The following CREBL2 variants were observed in gnomAD, a reference collection of about 807,000 sequenced individuals.
CREBL2 encodes the protein cAMP-responsive element-binding protein-like 2.
CREBL2 carries 4 observed loss-of-function variants against 19.5 expected under a neutral mutation model. That is an observed-to-expected ratio of 0.20 (90% CI 0.10 to 0.47). The LOEUF (loss-of-function observed/expected upper bound fraction) is 0.47. Ranked by LOEUF, CREBL2 falls within the 20% of genes least tolerant of loss-of-function variation. The probability of loss-of-function intolerance (pLI) is 0.98; values close to 1 mark genes in which losing one functional copy is unlikely to be tolerated. For missense variants in CREBL2, 85 were observed against 145.1 expected (o/e 0.59, Z 2.13); for synonymous variants, 42 against 46.6 (o/e 0.90, Z 0.40).
At chr12:12,637,798 T>C in intron 3 of CREBL2, 84 bp downstream of exon 3, 1 of 1,404,826 alleles carries the variant, frequency 7.1e-7, no homozygotes, top group South Asian at 1.7e-5. Context: ...CCTAGCACTT[T>C]GGGAGGCCGA....
rs142404101 is a variant in CREBL2, at chr12:12,641,253, A to ATTTT, written c.359-735_359-732dup. Among the ~76,000 whole-genome samples, 87 of 78,230 alleles carry ATTTT rather than the reference A, an allele frequency of 1.1e-3. 2 individuals carry two copies. Among genetic ancestry groups the ATTTT allele is most frequent in the East Asian group, 4.2e-3 (14 of 3,310 alleles). The allele number at this position is 78,230 out of a possible 152,430, so 51.3% of individuals were successfully genotyped here. A position where few individuals can be genotyped will look rare whatever the true frequency, so the allele number is the denominator to read the frequency against. On this transcript the variant is annotated intron_variant, in intron 3 of 3. Coordinates refer to ENST00000228865, the MANE Select transcript of CREBL2 (RefSeq NM_001310.4). ...TATTATTATTATTATTATTATTATT[A>ATTTT]TTTTTTTTTATTTTTTTTTTTTTTA...
chr12:12,638,952 A>G (rs1445652413), intron 3 of CREBL2, among the ~76,000 whole-genome samples: 1 of 152,212 alleles, frequency 6.6e-6, no homozygotes, highest in Non-Finnish European at 1.5e-5. Flanking sequence ...TGAACCCATT[A>G]AGCAGTTATT....
At chr12:12,641,076 C>G (rs1160114172) in intron 3 of CREBL2, among the ~76,000 whole-genome samples, 1 of 151,264 alleles carries the variant, frequency 6.6e-6, no homozygotes, top group Non-Finnish European at 1.5e-5. Context: ...AGTGGGAGTC[C>G]ATATGTTGCA....
intron 1 of CREBL2, chr12:12,632,675 A>G (rs930697435): frequency 1.1e-4 from 17 of 152,124 alleles, no homozygotes; most frequent in African/African-American, 3.1e-4. Flanking sequence ...TTCACTACAG[A>G]CATGAGTTCT....
chr12:12,642,730 C>T lies in CREBL2; in HGVS notation c.*732C>T, dbSNP rs1349404289. The T allele has an allele frequency of 2.6e-5, 4 of 152,158 alleles. No individual in the cohort carries two copies. The highest frequency in any genetic ancestry group is 9.7e-5 in the African/African-American group (4 of 41,432). 9.4% of individuals were successfully genotyped at this position (152,158 alleles called of 1,614,324 possible). ...TATATTTATAAAAATTTGCTAGGGC[C>T]AAATCCATACTTGCAGAATAATTCA... is the stretch of plus-strand genomic sequence containing the variant. On this transcript the variant is annotated 3_prime_UTR_variant, in exon 4 of 4. Coordinates refer to ENST00000228865, the MANE Select transcript of CREBL2 (RefSeq NM_001310.4).
chr12:12,613,997 T>C (rs1303626652), intron 1 of CREBL2, among the ~76,000 whole-genome samples: 5 of 139,870 alleles, frequency 3.6e-5, no homozygotes, highest in East Asian at 2.1e-4. Context: ...TTTCTTTTTT[T>C]TTTTTTTTTT....
intron 3 of CREBL2, among the ~76,000 whole-genome samples, chr12:12,640,678 G>T (rs531439150): frequency 2.0e-5 from 3 of 152,310 alleles, no homozygotes; most frequent in Non-Finnish European, 4.4e-5. Context: ...ATATTAATAT[G>T]AAATCTTCAC....
chr12:12,614,587 CCT>C (rs1323662804), intron 1 of CREBL2: 1 of 224,742 alleles, frequency 4.4e-6, no homozygotes, highest in Non-Finnish European at 8.9e-6. Context: ...TCCACCTCAG[CCT>C]CCCAAGTGGC....
In CREBL2 at chr12:12,612,287, C is replaced by T. The variant is rs3940353; in HGVS notation, c.15+100C>T. On this transcript the variant is annotated intron_variant, in intron 1 of 3. Transcript: ENST00000228865. ...GTAGTCCACGCCAACACCCAAGAGA[C>T]ACCTGCCTAAAACATCCCTGCGCCT... 2.2e-3 allele frequency: 3,521 copies of T among 1,597,208 alleles called. 70 individuals are homozygous for T. The African/African-American group carries it at 0.042, about 19-fold the overall frequency.
intron 1 of CREBL2, among the ~76,000 whole-genome samples, chr12:12,617,424 AT>A (rs1272409494): frequency 6.6e-6 from 1 of 152,072 alleles, no homozygotes; most frequent in Non-Finnish European, 1.5e-5. Context: ...ATCTTGGCTA[AT>A]TTATTTAACT....
At chr12:12,625,743 A>G (rs1184270660) in intron 1 of CREBL2, among the ~76,000 whole-genome samples, 2 of 152,170 alleles carry the variant, frequency 1.3e-5, no homozygotes, top group African/African-American at 4.8e-5. Context: ...ACATCCCTCC[A>G]CCACCAGCAT....
chr12:12,641,253 A>ATTTTTTTTTT (rs142404101), intron 3 of CREBL2, among the ~76,000 whole-genome samples: 36 of 78,238 alleles, frequency 4.6e-4, no homozygotes, highest in African/African-American at 5.7e-4. Context: ...TATTATTATT[A>ATTTTTTTTTT]TTTTTTTTTA....
chr12:12,641,244 A>ATTTT (rs1566116871), intron 3 of CREBL2, among the ~76,000 whole-genome samples: 12 of 15,602 alleles, frequency 7.7e-4, no homozygotes, highest in African/African-American at 1.3e-3. Context: ...TATTATTATT[A>ATTTT]TTATTATTAT....
At chr12:12,614,663 C>CT (rs1382177110) in intron 1 of CREBL2, 72 of 289,938 alleles carry the variant, frequency 2.5e-4, no homozygotes, top group South Asian at 5.5e-4. Flanking sequence ...GTCTCACTGG[C>CT]TTTTTTTTCT....
rs17819175 is a variant in CREBL2, at chr12:12,626,542, C to T, written c.16-9235C>T. On this transcript the variant is annotated intron_variant, in intron 1 of 3. Transcript: ENST00000228865. Reference sequence around the variant, plus strand: ...TTTCAGGCTCACTAGGCAACCATGTCTTTTTAAAAAATAATAGCTTTATTG... The same window carrying T: ...TTTCAGGCTCACTAGGCAACCATGTTTTTTTAAAAAATAATAGCTTTATTG... Among the ~76,000 whole-genome samples the T allele has an allele frequency of 5.5e-4, 83 of 152,262 alleles. 1 individual carries two copies. The East Asian group carries it at 0.014, about 25-fold the overall frequency.
intron 1 of CREBL2, among the ~76,000 whole-genome samples, chr12:12,624,778 G>A (rs1592239297): frequency 6.6e-6 from 1 of 152,218 alleles, no homozygotes; most frequent in East Asian, 1.9e-4. Flanking sequence ...CAAGGACAAA[G>A]GGCCAGTGTG....
At chr12:12,613,196 A>G (rs745695737) in intron 1 of CREBL2, among the ~76,000 whole-genome samples, 10 of 152,212 alleles carry the variant, frequency 6.6e-5, no homozygotes, top group Non-Finnish European at 1.0e-4. Context: ...ATCTACCCAC[A>G]TTAGTGTTGT....
intron 3 of CREBL2, among the ~76,000 whole-genome samples, chr12:12,641,600 C>T (rs1283436287): frequency 1.3e-5 from 2 of 152,018 alleles, no homozygotes; most frequent in Non-Finnish European, 2.9e-5. Flanking sequence ...TGAGCTACCA[C>T]GCCCATCTAG....
intron 3 of CREBL2, among the ~76,000 whole-genome samples, chr12:12,640,194 G>A (rs553683872): frequency 6.6e-6 from 1 of 152,252 alleles, no homozygotes; most frequent in East Asian, 1.9e-4. Context: ...TGAGGGTTCT[G>A]CAGGAGACCA....
Sources: allele counts gnomAD v4.1 joint callset (sites outside exome capture counted in the v4.1 genomes callset), GRCh38; gene constraint gnomAD v4.1.1; transcripts MANE v1.5; gene names NCBI Gene and HGNC (gene_info 2026-07-23, HGNC 2026-07-21).